SNX9: variants seen among roughly 807,000 people sequenced by gnomAD.
The protein encoded by SNX9 is sorting nexin-9.
SNX9 carries 44 observed loss-of-function variants against 89.4 expected under a neutral mutation model. The observed-to-expected ratio is 0.49, with a 90% CI of 0.39 to 0.63. The LOEUF is 0.63. Among genes scored for constraint, SNX9 ranks in the 30% least tolerant of loss-of-function variants. The probability of loss-of-function intolerance (pLI) is 0.00; values close to 1 mark genes in which losing one functional copy is unlikely to be tolerated. For missense variants in SNX9, 578 were observed against 736.1 expected (o/e 0.79, Z 2.49); for synonymous variants, 236 against 247.8 (o/e 0.95, Z 0.45).
chr6:157,908,869 C>T (rs1783275434), intron 7 of SNX9, among the ~76,000 whole-genome samples: 1 of 152,148 alleles, frequency 6.6e-6, no homozygotes, highest in Non-Finnish European at 1.5e-5. Context: ...TTGCCCTAGT[C>T]ACAGATAGAA....
At chr6:157,932,889 AAAAAAG>A (rs1343189854) in intron 13 of SNX9, among the ~76,000 whole-genome samples, 109 of 144,630 alleles carry the variant, frequency 7.5e-4, no homozygotes, top group African/African-American at 2.2e-3. Context: ...AAAAAAAAAA[AAAAAAG>A]CCAGATTTCA....
intron 5 of SNX9, among the ~76,000 whole-genome samples, chr6:157,898,872 A>G (rs1783034578): frequency 6.6e-6 from 1 of 152,220 alleles, no homozygotes; most frequent in African/African-American, 2.4e-5. Context: ...GCCTGTCAGC[A>G]GGACCAGGGG....
At chr6:157,931,082 T>C (rs73577624) in intron 12 of SNX9, among the ~76,000 whole-genome samples, 4,577 of 152,326 alleles carry the variant, frequency 0.03, 227 homozygotes, top group African/African-American at 0.1. Flanking sequence ...CTCAGGCCGC[T>C]CTTTTGTGGG....
intron 9 of SNX9, among the ~76,000 whole-genome samples, chr6:157,916,659 A>T (rs1340762754): frequency 6.6e-6 from 1 of 152,144 alleles, no homozygotes; most frequent in Non-Finnish European, 1.5e-5. Context: ...ATTTTGTCCC[A>T]TGTATTTTGT....
rs780085204 is a variant in SNX9 at position 157,942,868 on chromosome 6, G to T, written c.*30G>T. 1.2e-6 allele frequency: 2 copies of T among 1,601,528 alleles called. No homozygotes were observed. Among genetic ancestry groups the T allele is most frequent in the Admixed American group, 1.7e-5 (1 of 59,072 alleles). ...GAACGGGCCTTGAAGAGAATGCCGC[G>T]TGCTTTCTCCTGACTTGGGGCAATG... On this transcript the variant is annotated 3_prime_UTR_variant, in exon 18 of 18. Transcript: ENST00000392185.
At chr6:157,915,640 A>AAAAAAAAAAAAAAT (rs1472422303) in intron 9 of SNX9, among the ~76,000 whole-genome samples, 7 of 95,166 alleles carry the variant, frequency 7.4e-5, no homozygotes, top group African/African-American at 3.3e-4. Flanking sequence ...AAAAAAAAAA[A>AAAAAAAAAAAAAAT]ATATATATAT....
intron 9 of SNX9, among the ~76,000 whole-genome samples, chr6:157,913,790 A>G (rs781625128): frequency 6.6e-6 from 1 of 152,242 alleles, no homozygotes; most frequent in Non-Finnish European, 1.5e-5. Flanking sequence ...CATTTAGCAT[A>G]ACACATTTGC....
At chr6:157,923,263 T>C (rs913901317) in intron 10 of SNX9, among the ~76,000 whole-genome samples, 3 of 152,178 alleles carry the variant, frequency 2.0e-5, no homozygotes, top group Non-Finnish European at 4.4e-5. Flanking sequence ...ACTGTAGAAC[T>C]ACATAGAAAC....
intron 14 of SNX9, 44 bp downstream of exon 14, chr6:157,936,084 CTAGTCCACATATTTAA>C (rs772494244): frequency 6.8e-7 from 1 of 1,464,000 alleles, no homozygotes; most frequent in Admixed American, 1.8e-5. Flanking sequence ...TTGTTGCTAT[CTAGTCCACATATTTAA>C]TTTAAAACCT....
At chr6:157,925,996 A>G (rs1465843400) in intron 10 of SNX9, among the ~76,000 whole-genome samples, 2 of 152,210 alleles carry the variant, frequency 1.3e-5, no homozygotes, top group African/African-American at 4.8e-5. Flanking sequence ...AAAAGGGACA[A>G]ACCCCCTCCA....
rs576851572 is a variant in SNX9, at chr6:157,917,327, C to T, written c.950-4204C>T. ...GTTTCTGCTCTTTTATCATTTCTAT[C>T]GCTTGGTTTGGGTTTGATTTATTCT... is the stretch of plus-strand genomic sequence containing the variant. On this transcript the variant is annotated intron_variant, in intron 9 of 17. Transcript: ENST00000392185. Among the ~76,000 whole-genome samples the T allele has an allele frequency of 3.3e-5, 5 of 151,474 alleles. No individual in the cohort carries two copies. In the East Asian group the frequency reaches 5.8e-4, roughly 18 times the overall value.
intron 1 of SNX9, among the ~76,000 whole-genome samples, chr6:157,835,963 CTG>C (rs1334287249): frequency 1.3e-5 from 2 of 152,178 alleles, no homozygotes; most frequent in Non-Finnish European, 2.9e-5. Flanking sequence ...GGGTCTCACT[CTG>C]TTGCTCAGGG....
chr6:157,841,355 T>C (rs898141374), intron 1 of SNX9, among the ~76,000 whole-genome samples: 1 of 152,184 alleles, frequency 6.6e-6, no homozygotes, highest in Non-Finnish European at 1.5e-5. Flanking sequence ...AATACAGATT[T>C]TATTACCTAC....
chr6:157,914,387 T>G (rs2115184105), intron 9 of SNX9, among the ~76,000 whole-genome samples: 1 of 152,170 alleles, frequency 6.6e-6, no homozygotes, highest in Middle Eastern at 3.4e-3. Context: ...ATATATGTAT[T>G]TTCTAGAAAC....
intron 1 of SNX9, among the ~76,000 whole-genome samples, chr6:157,866,897 T>C (rs1370302917): frequency 6.6e-6 from 1 of 152,166 alleles, no homozygotes; most frequent in Non-Finnish European, 1.5e-5. Flanking sequence ...ACTTCTTACC[T>C]CCTAAGAGAA....
intron 4 of SNX9, among the ~76,000 whole-genome samples, chr6:157,887,252 A>G (rs956754089): frequency 6.6e-6 from 1 of 152,184 alleles, no homozygotes. Flanking sequence ...TTCCTGAAAC[A>G]AATCCTTTGT....
intron 4 of SNX9, among the ~76,000 whole-genome samples, chr6:157,895,216 A>C (rs756909357): frequency 3.3e-5 from 5 of 152,242 alleles, no homozygotes; most frequent in Admixed American, 6.5e-5. Context: ...GCACAGCCTC[A>C]GCGAGCTGCT....
intron 10 of SNX9, among the ~76,000 whole-genome samples, chr6:157,922,320 G>A (rs1364748323): frequency 6.6e-6 from 1 of 152,206 alleles, no homozygotes; most frequent in Non-Finnish European, 1.5e-5. Flanking sequence ...ATTCTCTAAA[G>A]ATGTTTCCTC....
chr6:157,913,726 A>T (rs865916516), intron 9 of SNX9, among the ~76,000 whole-genome samples: 6 of 152,164 alleles, frequency 3.9e-5, no homozygotes, highest in Non-Finnish European at 8.8e-5. Context: ...GTTTTCTAGG[A>T]TGTCATTATA....
Sources: gnomAD v4.1 joint callset for allele counts (sites outside exome capture counted in the v4.1 genomes callset) on GRCh38, gnomAD v4.1.1 for gene constraint, MANE v1.5 for transcripts, NCBI Gene and HGNC (gene_info 2026-07-23, HGNC 2026-07-21) for gene names.